The following SPSB4 variants were observed in gnomAD, a reference collection of about 807,000 sequenced individuals.
SPSB4 encodes the protein SPRY domain-containing SOCS box protein 4.
Under a neutral mutation model 20.9 loss-of-function variants are expected in SPSB4, and 21 were observed. The ratio of observed to expected loss-of-function variants is 1.01; its 90% CI spans 0.71 to 1.45. The LOEUF (loss-of-function observed/expected upper bound fraction) is 1.45, where lower values mean the gene tolerates loss of function less well. Ranked by LOEUF, SPSB4 falls within the 40% of genes most tolerant of loss-of-function variation. The pLI, the probability that SPSB4 is intolerant of heterozygous loss-of-function variation, is 0.00. For missense variants in SPSB4, 399 were observed against 399.2 expected, an observed-to-expected ratio of 1.00 and a Z score of 0.00; for synonymous variants, 207 against 183.8, an observed-to-expected ratio of 1.13 and a Z score of -1.02.
At chr3:141,131,560 A>G (rs886491587) in intron 2 of SPSB4, among the ~76,000 whole-genome samples, 11 of 147,786 alleles carry the variant, frequency 7.4e-5, no homozygotes, top group Non-Finnish European at 1.5e-4. Context: ...TAACTTCATC[A>G]CCTTGCTTTT....
At position 141,147,189 on chromosome 3, in the gene SPSB4, G is replaced by T; in HGVS notation, c.742G>T (p.Ala248Ser). The part of the protein sequence containing the change: ...MDLCRRSIRS[A>S]LGRQRLQDIS... ...CCTGTGCCGGAGATCCATCCGCTCG[G>T]CCCTGGGCCGCCAGCGCCTGCAGGA... Residue 248 changes from alanine (A) to serine (S), a missense_variant, in exon 3 of 3, where the codon GCC (alanine) becomes TCC (serine). Transcript: ENST00000310546. The T allele has an allele frequency of 6.2e-7, 1 of 1,614,174 alleles. No individual in the cohort carries two copies. Among genetic ancestry groups the T allele is most frequent in the Non-Finnish European group, 8.5e-7 (1 of 1,180,028 alleles).
chr3:141,115,721 T>C (rs1459084664), intron 2 of SPSB4, among the ~76,000 whole-genome samples: 1 of 152,260 alleles, frequency 6.6e-6, no homozygotes, highest in Non-Finnish European at 1.5e-5. Flanking sequence ...TTATTTTGTA[T>C]CATGGCTGTT....
At chr3:141,071,902 G>T (rs1243883028) in intron 2 of SPSB4, among the ~76,000 whole-genome samples, 1 of 152,248 alleles carries the variant, frequency 6.6e-6, no homozygotes, top group Admixed American at 6.5e-5. Flanking sequence ...GCTAGCCAAG[G>T]CTTCTGGTAT....
chr3:141,110,800 G>T (rs773643778), intron 2 of SPSB4, among the ~76,000 whole-genome samples: 1 of 152,226 alleles, frequency 6.6e-6, no homozygotes, highest in African/African-American at 2.4e-5. Context: ...CAAGTGAGTA[G>T]GGAAGGATAA....
chr3:141,079,523 G>A (rs1014489727), intron 2 of SPSB4, among the ~76,000 whole-genome samples: 5 of 152,086 alleles, frequency 3.3e-5, no homozygotes, highest in African/African-American at 9.7e-5. Context: ...ATCCTGCTAG[G>A]TCAATCGGCC....
chr3:141,131,699 A>G (rs1939133478), intron 2 of SPSB4, among the ~76,000 whole-genome samples: 1 of 152,224 alleles, frequency 6.6e-6, no homozygotes, highest in Non-Finnish European at 1.5e-5. Flanking sequence ...TTCTATATGA[A>G]GTTACACAAT....
At chr3:141,130,615 C>T (rs1939116983) in intron 2 of SPSB4, among the ~76,000 whole-genome samples, 1 of 152,116 alleles carries the variant, frequency 6.6e-6, no homozygotes, top group Non-Finnish European at 1.5e-5. Context: ...AATATAAATA[C>T]AGGGTTGGGG....
chr3:141,123,099 C>G (rs558804352), intron 2 of SPSB4, among the ~76,000 whole-genome samples: 2 of 152,214 alleles, frequency 1.3e-5, no homozygotes, highest in Non-Finnish European at 2.9e-5. Flanking sequence ...TCCTCTCTCT[C>G]TTTTTGTTTT....
intron 2 of SPSB4, among the ~76,000 whole-genome samples, chr3:141,098,087 C>T (rs1217032902): frequency 6.6e-6 from 1 of 152,190 alleles, no homozygotes; most frequent in Non-Finnish European, 1.5e-5. Flanking sequence ...TTTTTACTAA[C>T]CAGCAACTAT....
At chr3:141,066,829 T>G in intron 2 of SPSB4, 31 bp downstream of exon 2, 1 of 1,497,558 alleles carries the variant, frequency 6.7e-7, no homozygotes, top group Non-Finnish European at 8.9e-7. Context: ...GGGCAGGGCT[T>G]TCAGAGGCTG....
intron 1 of SPSB4, among the ~76,000 whole-genome samples, chr3:141,059,395 T>C (rs993501816): frequency 6.6e-6 from 1 of 150,708 alleles, no homozygotes; most frequent in Non-Finnish European, 1.5e-5. Context: ...AGCACGGTGC[T>C]GGCATCTGCT....
At chr3:141,123,088 A>C (rs1391726538) in intron 2 of SPSB4, among the ~76,000 whole-genome samples, 1 of 152,066 alleles carries the variant, frequency 6.6e-6, no homozygotes, top group Non-Finnish European at 1.5e-5. Flanking sequence ...CCAGACCTAA[A>C]TCCTCTCTCT....
intron 2 of SPSB4, among the ~76,000 whole-genome samples, chr3:141,091,736 T>C (rs968079994): frequency 3.3e-5 from 5 of 152,190 alleles, no homozygotes; most frequent in African/African-American, 1.2e-4. Context: ...CCAGCAGTAA[T>C]GTGGACGCTG....
intron 2 of SPSB4, among the ~76,000 whole-genome samples, chr3:141,102,697 C>T (rs1332483508): frequency 2.0e-5 from 3 of 152,044 alleles, no homozygotes; most frequent in East Asian, 3.9e-4. Context: ...GATAAAGGAA[C>T]CAAGCAGGAA....
intron 2 of SPSB4, among the ~76,000 whole-genome samples, chr3:141,084,104 C>T (rs1186452155): frequency 2.0e-5 from 3 of 152,212 alleles, no homozygotes; most frequent in African/African-American, 4.8e-5. Flanking sequence ...CTGGGTAGAG[C>T]TCATGTGGAT....
intron 1 of SPSB4, among the ~76,000 whole-genome samples, chr3:141,064,786 C>A (rs1937832559): frequency 6.6e-6 from 1 of 152,192 alleles, no homozygotes; most frequent in African/African-American, 2.4e-5. Flanking sequence ...CCATCTCTCT[C>A]CATACCCAGG....
At chr3:141,075,090 C>A (rs1317039155) in intron 2 of SPSB4, among the ~76,000 whole-genome samples, 4 of 127,620 alleles carry the variant, frequency 3.1e-5, no homozygotes, top group East Asian at 2.2e-4. Context: ...TGAAAATGTT[C>A]CCCATCAGAA....
intron 2 of SPSB4, among the ~76,000 whole-genome samples, chr3:141,071,646 G>C (rs895232172): frequency 3.4e-4 from 52 of 152,230 alleles, no homozygotes; most frequent in African/African-American, 1.2e-3. Context: ...CCTATGCCTG[G>C]GCCAACCTGC....
chr3:141,066,116 G>A lies in SPSB4; in HGVS notation c.12G>A (p.Lys4=). ...CCCCGCAGTGAAGCATGGGCCAGAA[G>A]CTCTCGGGGAGCCTCAAGTCAGTGG... MGQ[K]LSGSLKSVEV... is the part of the protein sequence containing the mutation. The change falls in exon 2 of 3, where the codon AAG becomes AAA. Residue 4 remains lysine, a synonymous_variant. Coordinates refer to ENST00000310546, the MANE Select transcript of SPSB4 (RefSeq NM_080862.3). The A allele has an allele frequency of 6.5e-7, 1 of 1,528,266 alleles. No individual in the cohort carries two copies. Among genetic ancestry groups the A allele is most frequent in the African/African-American group, 1.4e-5 (1 of 70,526 alleles). The allele number at this position is 1,528,266 out of a possible 1,614,324, so 94.7% of individuals were successfully genotyped here.
Sources: gnomAD v4.1 joint callset for allele counts (sites outside exome capture counted in the v4.1 genomes callset) on GRCh38, gnomAD v4.1.1 for gene constraint, MANE v1.5 for transcripts, NCBI Gene and HGNC (gene_info 2026-07-23, HGNC 2026-07-21) for gene names.